Variants in KLHL12 observed in about 807,000 individuals in gnomAD.
KLHL12 encodes the protein kelch-like protein 12.
In KLHL12, 17 loss-of-function variants were observed where a neutral mutation model predicts 60.8. That is an observed-to-expected ratio of 0.28 (90% confidence interval 0.19 to 0.42). The LOEUF (loss-of-function observed/expected upper bound fraction) is 0.42, where lower values mean the gene tolerates loss of function less well. Among genes scored for constraint, KLHL12 ranks in the 10% least tolerant of loss-of-function variants. The pLI, the probability that KLHL12 is intolerant of heterozygous loss-of-function variation, is 1.00. For synonymous variants in KLHL12, 220 were observed against 250.9 expected (o/e 0.88, Z 1.16); for missense variants, 468 against 722.3 (o/e 0.65, Z 4.04).
At chr1:202,903,442 T>A (rs1660074965) in intron 6 of KLHL12, among the ~76,000 whole-genome samples, 1 of 117,874 alleles carries the variant, frequency 8.5e-6, no homozygotes, top group Non-Finnish European at 1.8e-5. Context: ...ATCTTTATTG[T>A]TTCTCTCATG....
rs559919651 is a variant in KLHL12 at position 202,901,554 on chromosome 1, G to A, written c.833-4594C>T. Reference sequence around the variant, plus strand: ...TGAACTCAAGCGATGCTTCTGCTTCGGCCTCCCAAAGTGCTGGGATTACAG... The same window carrying A: ...TGAACTCAAGCGATGCTTCTGCTTCAGCCTCCCAAAGTGCTGGGATTACAG... On this transcript the variant is annotated intron_variant, in intron 6 of 11. Coordinates refer to ENST00000367261, the MANE Select transcript of KLHL12 (RefSeq NM_021633.4). 1.5e-3 allele frequency among the ~76,000 whole-genome samples: 223 copies of A among 151,542 alleles called. 3 individuals carry two copies. The highest frequency in any genetic ancestry group is 4.7e-3 in the African/African-American group (193 of 41,268).
chr1:202,907,298 C>G (rs1660223987), intron 6 of KLHL12, among the ~76,000 whole-genome samples: 1 of 151,916 alleles, frequency 6.6e-6, no homozygotes, highest in South Asian at 2.1e-4. Context: ...GTACTTATGC[C>G]ATTAAAAAAT....
chr1:202,894,835 T>A, intron 8 of KLHL12, 86 bp from the exon 9 acceptor site: 1 of 1,159,776 alleles, frequency 8.6e-7, no homozygotes, highest in Non-Finnish European at 1.3e-6. Context: ...AAGGGTCCTT[T>A]AAAAGTCTGA....
Position 202,919,899 on chromosome 1 carries a change from T to C in KLHL12, c.205A>G (p.Lys69Glu). ...CAMFTSELSEKGKPYVDIQGL... is the reference protein window; with the variant it reads ...CAMFTSELSEEGKPYVDIQGL... ...TGGATGTCAACATAAGGTTTCCCCT[T>C]CTCTGAGAGCTGAAAATTCAAAAGG... The change falls in exon 3 of 12, where the codon AAG becomes GAG. Residue 69 changes from lysine (K) to glutamate (E), a missense_variant. Coordinates refer to ENST00000367261, the MANE Select transcript of KLHL12 (RefSeq NM_021633.4). The C allele has an allele frequency of 6.2e-7, 1 of 1,612,986 alleles. No individual in the cohort carries two copies. The highest frequency in any genetic ancestry group is 8.5e-7 in the Non-Finnish European group (1 of 1,179,570).
At chr1:202,917,278 G>A (rs541418190) in intron 4 of KLHL12, among the ~76,000 whole-genome samples, 4 of 152,258 alleles carry the variant, frequency 2.6e-5, no homozygotes, top group Admixed American at 6.5e-5. Context: ...GCAGTGGTGC[G>A]ATCATGGCTC....
intron 4 of KLHL12, 151 bp from the exon 5 acceptor site, chr1:202,911,354 C>CA: frequency 1.3e-6 from 1 of 790,746 alleles, no homozygotes; most frequent in Middle Eastern, 2.3e-4. Context: ...CTTGGGAAAA[C>CA]AATTTTTTTC....
rs77960042 is a variant in KLHL12, at chr1:202,919,272, A to G, written c.349+483T>C. ...CTCTGTCTCAAAAACAAAACAAAAAACCTGGGAATTGTAAGGGAAAACAAA... is the reference window on the plus strand; with the variant it reads ...CTCTGTCTCAAAAACAAAACAAAAAGCCTGGGAATTGTAAGGGAAAACAAA... On this transcript the variant is annotated intron_variant, in intron 3 of 11. Coordinates refer to ENST00000367261, the MANE Select transcript of KLHL12 (RefSeq NM_021633.4). Among the ~76,000 whole-genome samples the G allele has an allele frequency of 1.7e-4, 26 of 152,296 alleles. No individual in the cohort carries two copies. In the East Asian group the frequency reaches 4.2e-3, roughly 25 times the overall value.
intron 4 of KLHL12, among the ~76,000 whole-genome samples, chr1:202,917,535 T>C (rs1305675643): frequency 6.6e-6 from 1 of 152,214 alleles, no homozygotes; most frequent in Non-Finnish European, 1.5e-5. Context: ...ATCCAGTTCA[T>C]GTGTCCCTCC....
chr1:202,913,415 A>C (rs1283998060), intron 4 of KLHL12, among the ~76,000 whole-genome samples: 1 of 152,210 alleles, frequency 6.6e-6, no homozygotes, highest in Non-Finnish European at 1.5e-5. Context: ...GATACTCTAA[A>C]AACGCAGATG....
In KLHL12 at chr1:202,918,405, C is replaced by CTTATTCTAA; in HGVS notation, c.350-18_350-17insTTAGAATAA. The CTTATTCTAA allele has an allele frequency of 6.3e-7, 1 of 1,591,236 alleles. No homozygotes were observed. The highest frequency in any genetic ancestry group is 1.1e-5 in the South Asian group (1 of 90,582). On this transcript the variant is annotated splice_polypyrimidine_tract_variant and intron_variant, in intron 3 of 11. Transcript: ENST00000367261. ...GTTTCACACCTAGGACAGACACAGG[C>CTTATTCTAA]AGCAAACACTTTAGAATAGTTGGAC...
At chr1:202,898,213 T>C (rs1659902513) in intron 6 of KLHL12, among the ~76,000 whole-genome samples, 1 of 152,184 alleles carries the variant, frequency 6.6e-6, no homozygotes, top group African/African-American at 2.4e-5. Flanking sequence ...TTGGCTTTTT[T>C]CAAAGAGCAA....
upstream of KLHL12, chr1:202,927,363 T>C (rs191762153): frequency 4.1e-5 from 31 of 749,658 alleles, no homozygotes; most frequent in East Asian, 3.0e-3. Context: ...GGGGCTTCTG[T>C]ACGCTGCTAG....
At chr1:202,910,947 C>CA (rs1660333130) in intron 5 of KLHL12, 107 bp downstream of exon 5, 1 of 1,294,684 alleles carries the variant, frequency 7.7e-7, no homozygotes, top group Non-Finnish European at 1.1e-6. Context: ...CCTAGAGAGG[C>CA]AAAACAGGAG....
At chr1:202,912,196 T>A (rs557590643) in intron 4 of KLHL12, 12 of 975,550 alleles carry the variant, frequency 1.2e-5, no homozygotes, top group Admixed American at 1.7e-5. Flanking sequence ...TTTGAACAGT[T>A]TGGAAAAACG....
Position 202,895,314 on chromosome 1 carries a change from G to C in KLHL12, c.1135+208C>G, listed in dbSNP as rs1659798766. Reference sequence around the variant, plus strand: ...AAGCTGAGGTGGGAGGATCGCTTGAGCTTGGGGAGGTTGAGGCTGCAGTGA... The same window carrying C: ...AAGCTGAGGTGGGAGGATCGCTTGACCTTGGGGAGGTTGAGGCTGCAGTGA... On this transcript the variant is annotated intron_variant, in intron 8 of 11. Coordinates refer to ENST00000367261, the MANE Select transcript of KLHL12 (RefSeq NM_021633.4). The surrounding 1 kb of genome is among the most constrained non-coding windows in gnomAD (Gnocchi z 4.2). Among the ~76,000 whole-genome samples the C allele has an allele frequency of 6.6e-6, 1 of 152,070 alleles. No homozygotes were observed. Among genetic ancestry groups the C allele is most frequent in the Admixed American group, 6.5e-5 (1 of 15,280 alleles).
Position 202,894,639 on chromosome 1 carries a change from G to A in KLHL12, c.1246C>T (p.Arg416Trp). 6.2e-7 allele frequency: 1 copy of A among 1,614,024 alleles called. No individual in the cohort carries two copies. The highest frequency in any genetic ancestry group is 8.5e-7 in the Non-Finnish European group (1 of 1,179,998). The part of the protein sequence containing the change: ...WSMLGDMQTA[R>W]EGAGLVVASG... The stretch of plus-strand genomic sequence containing the variant: ...GCCACTACGAGTCCGGCACCTTCCC[G>A]GGCTGTCTGCATATCTCCCAGCATG... Residue 416 changes from arginine to tryptophan, a missense_variant, in exon 9 of 12, where the codon CGG (arginine) becomes TGG (tryptophan). By Grantham distance (101) the Arg-to-Trp change is moderately radical. Coordinates refer to ENST00000367261, the MANE Select transcript of KLHL12 (RefSeq NM_021633.4).
At chr1:202,912,955 C>T (rs948139209) in intron 4 of KLHL12, among the ~76,000 whole-genome samples, 4 of 150,862 alleles carry the variant, frequency 2.7e-5, no homozygotes, top group African/African-American at 4.9e-5. Context: ...CTGTGGAAAG[C>T]GTAAAGCATT....
At position 202,919,690 on chromosome 1, in the gene KLHL12, C is replaced by A. The variant is rs565929019; in HGVS notation, c.349+65G>T. ...CAAAATGTTCATGATTAAGTTTACA[C>A]TATTAATTTTCAACCTTTCCAGGGC... On this transcript the variant is annotated intron_variant, in intron 3 of 11. Coordinates refer to ENST00000367261, the MANE Select transcript of KLHL12 (RefSeq NM_021633.4). 1.7e-3 allele frequency: 2,519 copies of A among 1,447,148 alleles called. 4 individuals are homozygous for A. Among genetic ancestry groups the A allele is most frequent in the Non-Finnish European group, 2.2e-3 (2,311 of 1,061,658 alleles). The allele number at this position is 1,447,148 out of a possible 1,614,324, so 89.6% of individuals were successfully genotyped here.
rs149769020 is a variant in KLHL12, at chr1:202,904,004, C to G, written c.832+5006G>C. On this transcript the variant is annotated intron_variant, in intron 6 of 11. Coordinates refer to ENST00000367261, the MANE Select transcript of KLHL12 (RefSeq NM_021633.4). Reference sequence around the variant, plus strand: ...TCTATCTATCTATGTATCTATCTATCTATCTATCTATTTATCTATCTATCT... The same window carrying G: ...TCTATCTATCTATGTATCTATCTATGTATCTATCTATTTATCTATCTATCT... 3.4e-3 allele frequency among the ~76,000 whole-genome samples: 518 copies of G among 151,798 alleles called. 6 individuals are homozygous for G. The highest frequency in any genetic ancestry group is 0.011 in the African/African-American group (448 of 41,414).
Sources: gnomAD v4.1 joint callset for allele counts (sites outside exome capture counted in the v4.1 genomes callset) on GRCh38, gnomAD v4.1.1 for gene constraint, Gnocchi (gnomAD v3.1) non-coding constraint, MANE v1.5 for transcripts, NCBI Gene and HGNC (gene_info 2026-07-23, HGNC 2026-07-21) for gene names.